The following GRIN2A variants were observed in gnomAD, a reference collection of about 807,000 sequenced individuals.
GRIN2A encodes the protein glutamate receptor ionotropic, NMDA 2A.
In GRIN2A, 22 loss-of-function variants were observed where a neutral mutation model predicts 113.4. That is an observed-to-expected ratio of 0.19 (90% confidence interval 0.14 to 0.28). The LOEUF is 0.28. Among genes scored for constraint, GRIN2A ranks in the 10% least tolerant of loss-of-function variants. The pLI is 1.00. For missense variants in GRIN2A, 1,502 were observed against 1,887.0 expected, an observed-to-expected ratio of 0.80 and a Z score of 3.78; for synonymous variants, 827 against 738.4, an observed-to-expected ratio of 1.12 and a Z score of -1.94.
chr16:10,027,230 G>T (rs2046840224), intron 2 of GRIN2A, among the ~76,000 whole-genome samples: 1 of 152,204 alleles, frequency 6.6e-6, no homozygotes, highest in Admixed American at 6.5e-5. Flanking sequence ...AAGTGTAAGG[G>T]ATCTTATAAA....
At chr16:10,085,991 G>T (rs2048079168) in intron 2 of GRIN2A, among the ~76,000 whole-genome samples, 1 of 152,132 alleles carries the variant, frequency 6.6e-6, no homozygotes, top group Non-Finnish European at 1.5e-5. Context: ...TGTAATGCCT[G>T]GGGCCATATT....
chr16:10,043,606 T>C (rs546904017), intron 2 of GRIN2A, among the ~76,000 whole-genome samples: 1 of 152,264 alleles, frequency 6.6e-6, no homozygotes, highest in East Asian at 1.9e-4. Context: ...GGGAAGCTTC[T>C]GCAACCATTC....
chr16:9,865,859 G>C (rs1314004095), intron 4 of GRIN2A, among the ~76,000 whole-genome samples: 3 of 152,190 alleles, frequency 2.0e-5, no homozygotes, highest in Non-Finnish European at 4.4e-5. Context: ...TGAAAAAAAT[G>C]AAAAGAATAT....
intron 2 of GRIN2A, among the ~76,000 whole-genome samples, chr16:10,086,086 T>C (rs1393598039): frequency 6.6e-6 from 1 of 152,148 alleles, no homozygotes; most frequent in Non-Finnish European, 1.5e-5. Context: ...CTGCACACAG[T>C]AGGCACTCAG....
At chr16:10,121,419 T>A (rs886849531) in intron 2 of GRIN2A, 3 of 151,962 alleles carry the variant, frequency 2.0e-5, no homozygotes, top group African/African-American at 7.3e-5. Flanking sequence ...CAGAATAACA[T>A]CCGAAGATTA....
At chr16:9,835,850 A>G (rs1290650256) in intron 7 of GRIN2A, among the ~76,000 whole-genome samples, 1 of 152,212 alleles carries the variant, frequency 6.6e-6, no homozygotes, top group Admixed American at 6.5e-5. Context: ...ACTTAACTTT[A>G]GCTATATTGG....
chr16:10,025,159 G>A (rs909679446), intron 2 of GRIN2A, among the ~76,000 whole-genome samples: 2 of 152,106 alleles, frequency 1.3e-5, no homozygotes, highest in Non-Finnish European at 2.9e-5. Flanking sequence ...AGAGATGGGA[G>A]GGGCTAAGAA....
intron 7 of GRIN2A, 86 bp from the exon 8 acceptor site, chr16:9,834,316 G>A (rs2042549464): frequency 4.0e-6 from 5 of 1,265,418 alleles, no homozygotes; most frequent in Non-Finnish European, 5.8e-6. Flanking sequence ...CCATTTGCAG[G>A]CTCGCCAAAA....
rs143669998 is a variant in GRIN2A at position 9,938,066 on chromosome 16, G to C, written c.900C>G (p.Thr300=). ...ARVRDGIGIL[T]TAASSMLEKF... is the part of the protein sequence containing the mutation. ...TCTCCAGCATAGAAGATGCAGCGGT[G>C]GTTAGGATGCCAATGCCGTCCCTCA... is the stretch of plus-strand genomic sequence containing the variant. The change falls in exon 3 of 13, where the codon ACC becomes ACG. Residue 300 remains threonine, a synonymous_variant. Coordinates refer to ENST00000330684, the MANE Select transcript of GRIN2A (RefSeq NM_001134407.3). 5.0e-6 allele frequency: 8 copies of C among 1,614,038 alleles called. No homozygotes were observed. In the South Asian group the frequency reaches 8.8e-5, roughly 18 times the overall value.
At chr16:10,012,292 T>C (rs1329415420) in intron 2 of GRIN2A, among the ~76,000 whole-genome samples, 1 of 152,226 alleles carries the variant, frequency 6.6e-6, no homozygotes, top group Non-Finnish European at 1.5e-5. Context: ...AGCATCACTT[T>C]TAAAGAACTT....
chr16:9,996,042 A>G (rs1189203754), intron 2 of GRIN2A, among the ~76,000 whole-genome samples: 2 of 150,272 alleles, frequency 1.3e-5, no homozygotes, highest in Non-Finnish European at 3.0e-5. Context: ...AAAAAAAAAA[A>G]AAAAAAAAAA....
At chr16:9,926,232 T>G (rs2044460653) in intron 3 of GRIN2A, among the ~76,000 whole-genome samples, 1 of 152,204 alleles carries the variant, frequency 6.6e-6, no homozygotes, top group Non-Finnish European at 1.5e-5. Context: ...GTTTATGATC[T>G]ACAGCTACAT....
intron 3 of GRIN2A, among the ~76,000 whole-genome samples, chr16:9,926,457 T>C (rs1230284696): frequency 6.6e-6 from 1 of 152,236 alleles, no homozygotes; most frequent in Non-Finnish European, 1.5e-5. Flanking sequence ...TGACCAGTAA[T>C]GCTGTAAGCA....
chr16:10,132,283 G>A (rs1393306716), intron 2 of GRIN2A, among the ~76,000 whole-genome samples: 1 of 145,106 alleles, frequency 6.9e-6, no homozygotes, highest in Non-Finnish European at 1.5e-5. Context: ...AGCGAGCTGA[G>A]ATTGTGCCAC....
At chr16:10,051,997 T>G (rs960603742) in intron 2 of GRIN2A, among the ~76,000 whole-genome samples, 2 of 152,236 alleles carry the variant, frequency 1.3e-5, no homozygotes, top group Non-Finnish European at 2.9e-5. Flanking sequence ...CTGAGAGATC[T>G]CAAACTACCT....
intron 7 of GRIN2A, 132 bp downstream of exon 7, chr16:9,840,515 C>G (rs1390808395): frequency 8.2e-6 from 7 of 849,814 alleles, no homozygotes; most frequent in Non-Finnish European, 9.9e-6. Context: ...AATTCAAATG[C>G]AGCATCCTCT....
intron 3 of GRIN2A, among the ~76,000 whole-genome samples, chr16:9,904,089 A>G (rs1418913920): frequency 6.6e-6 from 1 of 152,248 alleles, no homozygotes; most frequent in Admixed American, 6.5e-5. Flanking sequence ...CCTTAAGGAA[A>G]TCAAGTTATT....
chr16:9,902,592 C>T (rs1261167003), intron 3 of GRIN2A, among the ~76,000 whole-genome samples: 1 of 152,130 alleles, frequency 6.6e-6, no homozygotes, highest in Non-Finnish European at 1.5e-5. Flanking sequence ...TTATTTGAAC[C>T]AAAATCTTTC....
chr16:9,832,026 C>A (rs1487608933), intron 8 of GRIN2A, among the ~76,000 whole-genome samples: 1 of 152,098 alleles, frequency 6.6e-6, no homozygotes, highest in Admixed American at 6.6e-5. Context: ...TCAAGTAATT[C>A]TCCTACCTCA....
Sources: gnomAD v4.1 joint callset for allele counts (sites outside exome capture counted in the v4.1 genomes callset) on GRCh38, gnomAD v4.1.1 for gene constraint, MANE v1.5 for transcripts, NCBI Gene and HGNC (gene_info 2026-07-23, HGNC 2026-07-21) for gene names.